Variants in TBC1D22A observed in about 807,000 individuals in gnomAD.
TBC1D22A encodes putative GTPase activator.
Under a neutral mutation model 60.2 loss-of-function variants are expected in TBC1D22A, and 38 were observed. The ratio of observed to expected loss-of-function variants is 0.63; its 90% CI spans 0.49 to 0.83. The LOEUF is 0.83. TBC1D22A is among the 40% of genes least tolerant of loss of function. The probability of loss-of-function intolerance (pLI) is 0.00; values close to 1 mark genes in which losing one functional copy is unlikely to be tolerated. For synonymous variants in TBC1D22A, 302 were observed against 281.7 expected, an observed-to-expected ratio of 1.07 and a Z score of -0.72; for missense variants, 628 against 701.0, an observed-to-expected ratio of 0.90 and a Z score of 1.18.
chr22:47,140,736 G>A (rs996430118), intron 12 of TBC1D22A, among the ~76,000 whole-genome samples: 1 of 152,196 alleles, frequency 6.6e-6, no homozygotes, highest in African/African-American at 2.4e-5. Flanking sequence ...TGGCGGCTTG[G>A]GCCTGGGGGT....
chr22:46,948,478 A>C (rs2072689545), intron 8 of TBC1D22A, among the ~76,000 whole-genome samples: 1 of 152,138 alleles, frequency 6.6e-6, no homozygotes, highest in Admixed American at 6.5e-5. Context: ...AGTCTCCTCC[A>C]CCAAAACCTT....
At chr22:46,819,074 CAT>C (rs1166181114) in intron 4 of TBC1D22A, among the ~76,000 whole-genome samples, 4 of 152,156 alleles carry the variant, frequency 2.6e-5, no homozygotes, top group Admixed American at 2.6e-4. Context: ...GATTTTTGCA[CAT>C]TGGTTTTGTA....
At chr22:46,812,701 A>G (rs762149387) in intron 4 of TBC1D22A, among the ~76,000 whole-genome samples, 3 of 152,372 alleles carry the variant, frequency 2.0e-5, no homozygotes, top group African/African-American at 7.2e-5. Context: ...TTAGTTGAAG[A>G]TGCAGCCAGG....
intron 8 of TBC1D22A, 99 bp from the exon 9 acceptor site, chr22:46,974,191 T>C (rs2074192194): frequency 1.1e-6 from 1 of 939,828 alleles, no homozygotes; most frequent in Non-Finnish European, 1.7e-6. Context: ...TGGAGGGAGC[T>C]GGATGCAGGC....
At chr22:46,908,967 T>C (rs1299466879) in intron 7 of TBC1D22A, among the ~76,000 whole-genome samples, 2 of 151,982 alleles carry the variant, frequency 1.3e-5, no homozygotes, top group Admixed American at 1.3e-4. Flanking sequence ...TGGAACCGAG[T>C]CGAGGCCCCG....
intron 6 of TBC1D22A, among the ~76,000 whole-genome samples, chr22:46,891,832 A>G (rs1004951827): frequency 8.5e-5 from 13 of 152,194 alleles, no homozygotes; most frequent in Admixed American, 1.3e-4. Flanking sequence ...CGGTCTAGGT[A>G]GGGATGTGAT....
At chr22:47,129,536 C>G (rs755700326) in intron 12 of TBC1D22A, among the ~76,000 whole-genome samples, 1 of 152,222 alleles carries the variant, frequency 6.6e-6, no homozygotes, top group Non-Finnish European at 1.5e-5. Context: ...TTTCGTGGCA[C>G]TCACGAAGTG....
chr22:47,135,684 T>C (rs2066839689), intron 12 of TBC1D22A, among the ~76,000 whole-genome samples: 1 of 152,228 alleles, frequency 6.6e-6, no homozygotes, highest in Non-Finnish European at 1.5e-5. Flanking sequence ...CTTCGGCTTC[T>C]AAATCGCCCA....
At chr22:46,897,652 GT>G (rs34529641) in intron 7 of TBC1D22A, among the ~76,000 whole-genome samples, 61,922 of 111,336 alleles carry the variant, frequency 0.56, 15,385 homozygotes, top group Middle Eastern at 0.71. Flanking sequence ...TTTTTTTTGT[GT>G]TTTTTTTTTT....
intron 1 of TBC1D22A, among the ~76,000 whole-genome samples, chr22:46,782,518 C>T (rs986333828): frequency 1.6e-4 from 24 of 152,310 alleles, no homozygotes; most frequent in East Asian, 9.7e-4. Flanking sequence ...CCACACCGTT[C>T]GCCCATTTAA....
chr22:46,904,096 A>AATCTATCTATCT (rs748640215), intron 7 of TBC1D22A, among the ~76,000 whole-genome samples: 161 of 106,916 alleles, frequency 1.5e-3, no homozygotes, highest in South Asian at 7.1e-3. Flanking sequence ...ATCTAAATAA[A>AATCTATCTATCT]ATCTATCTAT....
chr22:46,996,396 G>A (rs537542671), intron 9 of TBC1D22A, among the ~76,000 whole-genome samples: 24 of 152,378 alleles, frequency 1.6e-4, no homozygotes, highest in Admixed American at 5.2e-4. Context: ...AGTTGGAAGC[G>A]TAGGCCAGAA....
chr22:47,026,303 C>T (rs1211872170), intron 10 of TBC1D22A, among the ~76,000 whole-genome samples: 3 of 152,202 alleles, frequency 2.0e-5, no homozygotes, highest in African/African-American at 7.2e-5. Flanking sequence ...CAATGGAAAG[C>T]TTTCCCCCCA....
intron 11 of TBC1D22A, among the ~76,000 whole-genome samples, chr22:47,046,857 T>A (rs1053892580): frequency 1.3e-5 from 2 of 152,204 alleles, no homozygotes; most frequent in African/African-American, 2.4e-5. Flanking sequence ...AACAGCAGTA[T>A]GCCAGGTGCA....
At chr22:46,829,598 C>A (rs1216781971) in intron 4 of TBC1D22A, among the ~76,000 whole-genome samples, 1 of 152,194 alleles carries the variant, frequency 6.6e-6, no homozygotes, top group East Asian at 1.9e-4. Flanking sequence ...TTAAGAGAAT[C>A]TTACTGCATA....
At chr22:46,920,266 GCA>G (rs2070674033) in intron 8 of TBC1D22A, among the ~76,000 whole-genome samples, 3 of 152,092 alleles carry the variant, frequency 2.0e-5, no homozygotes, top group East Asian at 3.9e-4. Flanking sequence ...TTTTGTAGAG[GCA>G]GAGTCTTGCT....
intron 11 of TBC1D22A, among the ~76,000 whole-genome samples, chr22:47,047,505 T>C (rs904537409): frequency 6.6e-6 from 1 of 152,126 alleles, no homozygotes; most frequent in African/African-American, 2.4e-5. Flanking sequence ...TGGAAATAGA[T>C]GGAGACAGCC....
At chr22:47,126,713 C>T (rs1196074717) in intron 12 of TBC1D22A, among the ~76,000 whole-genome samples, 1 of 152,200 alleles carries the variant, frequency 6.6e-6, no homozygotes, top group East Asian at 1.9e-4. Flanking sequence ...GGATGGGAAG[C>T]CCAGGGACCC....
chr22:46,904,142 T>TCTATCTGCCTGCCTACCTAC (rs57116517), intron 7 of TBC1D22A, among the ~76,000 whole-genome samples: 2 of 134,498 alleles, frequency 1.5e-5, no homozygotes, highest in African/African-American at 5.9e-5. Context: ...TATCTATCTA[T>TCTATCTGCCTGCCTACCTAC]CTACCTACCT....
Sources: gnomAD v4.1 joint callset for allele counts (sites outside exome capture counted in the v4.1 genomes callset) on GRCh38, gnomAD v4.1.1 for gene constraint, MANE v1.5 for transcripts, NCBI Gene and HGNC (gene_info 2026-07-23, HGNC 2026-07-21) for gene names.